The following EXD3 variants were observed in gnomAD, a reference collection of about 807,000 sequenced individuals.
EXD3 encodes the protein exonuclease mut-7 homolog.
EXD3 carries 92 observed loss-of-function variants against 98.0 expected under a neutral mutation model. That is an observed-to-expected ratio of 0.94 (90% CI 0.79 to 1.12). EXD3 has a LOEUF of 1.12. Among genes scored for constraint, EXD3 ranks in the 50% most tolerant of loss-of-function variants. The pLI is 0.00. For missense variants in EXD3, 1,222 were observed against 1,191.6 expected (o/e 1.03, Z -0.38); for synonymous variants, 569 against 526.0 (o/e 1.08, Z -1.12).
rs372690895 is a variant in EXD3, at chr9:137,403,694, A to T, written c.-47-8290T>A. Reference sequence around the variant, plus strand: ...CAGCAGGCCCGAGATCCAGGGTCTTAGGGCTCCTCCCAGCAGGGCAGACCC... The same window carrying T: ...CAGCAGGCCCGAGATCCAGGGTCTTTGGGCTCCTCCCAGCAGGGCAGACCC... On this transcript the variant is annotated intron_variant, in intron 1 of 21. Transcript: ENST00000340951. The surrounding 1 kb of genome is among the most constrained non-coding windows in gnomAD (Gnocchi z 6.1). 6.6e-5 allele frequency among the ~76,000 whole-genome samples: 10 copies of T among 152,190 alleles called. No individual in the cohort carries two copies. The highest frequency in any genetic ancestry group is 2.4e-4 in the African/African-American group (10 of 41,530).
In EXD3 at chr9:137,352,217, C is replaced by G; in HGVS notation, c.1038-16G>C. On this transcript the variant is annotated splice_polypyrimidine_tract_variant and intron_variant, in intron 11 of 21. Coordinates refer to ENST00000340951, the MANE Select transcript of EXD3 (RefSeq NM_017820.5). The stretch of plus-strand genomic sequence containing the variant: ...CTCAGTCGCCCTGGGAGGAGCAGAG[C>G]TGGTAGCGCCCCCATGTCCCTGGTC... 6.2e-7 allele frequency: 1 copy of G among 1,612,300 alleles called. No homozygotes were observed. The highest frequency in any genetic ancestry group is 1.7e-4 in the Middle Eastern group (1 of 6,056).
rs549789356 is a variant in EXD3 at position 137,387,071 on chromosome 9, C to A, written c.56-3694G>T. 6.2e-4 allele frequency among the ~76,000 whole-genome samples: 94 copies of A among 151,394 alleles called. 5 individuals carry two copies. The highest frequency in any genetic ancestry group is 1.9e-3 in the African/African-American group (80 of 41,188). ...CTCAGCACCCCTGCTCCGTGCTTGG[C>A]CCCCGGCCCTTGCTTCCTGCCTGGC... On this transcript the variant is annotated intron_variant, in intron 2 of 21. Coordinates refer to ENST00000340951, the MANE Select transcript of EXD3 (RefSeq NM_017820.5).
At chr9:137,372,855 A>G (rs1162193729) in intron 5 of EXD3, 50 bp downstream of exon 5, 1 of 1,580,580 alleles carries the variant, frequency 6.3e-7, no homozygotes, top group Non-Finnish European at 8.5e-7. Context: ...TCCTTGCCCC[A>G]CCGCCCGAGA....
intron 10 of EXD3, chr9:137,353,077 G>A (rs2119233389): frequency 1.6e-6 from 2 of 1,247,402 alleles, no homozygotes; most frequent in Admixed American, 4.2e-5. Flanking sequence ...CCTCAGTTCA[G>A]CCCCAGCTGG....
rs1420801931 is a variant in EXD3, at chr9:137,351,423, G to A, written c.1279C>T (p.Leu427Phe). 10 of 1,608,222 alleles carry A rather than the reference G, an allele frequency of 6.2e-6. No individual in the cohort carries two copies. Among genetic ancestry groups the A allele is most frequent in the Admixed American group, 3.4e-5 (2 of 59,128 alleles). ...TGCGAGAGTGCCAGGACGTCCAGAA[G>A]GAACACGTGGCCCTCCACGGCCACC... ...LQVAVEGHVF[L>F]LDVLALSQPP... The change falls in exon 13 of 22, where the codon CTT (leucine) becomes TTT (phenylalanine). Residue 427 changes from leucine (L) to phenylalanine (F), a missense_variant. Physicochemically the swap from Leu to Phe is conservative, Grantham distance 22 (BLOSUM62 0). Coordinates refer to ENST00000340951, the MANE Select transcript of EXD3 (RefSeq NM_017820.5).
intron 1 of EXD3, among the ~76,000 whole-genome samples, chr9:137,402,801 T>C (rs1474784738): frequency 6.6e-6 from 1 of 152,156 alleles, no homozygotes; most frequent in Non-Finnish European, 1.5e-5. Context: ...AAAACAAGTT[T>C]AATTGGACTC....
chr9:137,383,391 A>C lies in EXD3; in HGVS notation c.56-14T>G. On this transcript the variant is annotated splice_polypyrimidine_tract_variant and intron_variant, in intron 2 of 21. Transcript: ENST00000340951. Reference sequence around the variant, plus strand: ...GGGGGTCCCGGCCTGTGGAGATAAGATAACAGCCGTGGGAGGGAGAGGCAG... The same window carrying C: ...GGGGGTCCCGGCCTGTGGAGATAAGCTAACAGCCGTGGGAGGGAGAGGCAG... 6.5e-7 allele frequency: 1 copy of C among 1,536,288 alleles called. No individual in the cohort carries two copies. The highest frequency in any genetic ancestry group is 8.8e-7 in the Non-Finnish European group (1 of 1,136,948).
rs1043879745 is a variant in EXD3 at position 137,309,555 on chromosome 9, G to T, written c.2278+52C>A. On this transcript the variant is annotated intron_variant, in intron 20 of 21. Coordinates refer to ENST00000340951, the MANE Select transcript of EXD3 (RefSeq NM_017820.5). ...CCCCTCTCCCTGGCTACCTCAGTAG[G>T]TCGACCCATCCCAGGCCCCCCAGAC... is the stretch of plus-strand genomic sequence containing the variant. 2.7e-6 allele frequency: 4 copies of T among 1,460,652 alleles called. No homozygotes were observed. In the African/African-American group the frequency reaches 5.6e-5, roughly 20 times the overall value. 90.5% of individuals were successfully genotyped at this position (1,460,652 alleles called of 1,614,324 possible).
In EXD3 at chr9:137,375,095, G is replaced by A. The variant is rs574874649; in HGVS notation, c.121-1496C>T. Among the ~76,000 whole-genome samples the A allele has an allele frequency of 3.9e-5, 6 of 152,048 alleles. No homozygotes were observed. The South Asian group carries it at 6.3e-4, about 16-fold the overall frequency. ...GCGATCTCGACTCACTGCAAGCTCCGCCTCCCGGGTTCACGCCATTCTCCT... is the reference window on the plus strand; with the variant it reads ...GCGATCTCGACTCACTGCAAGCTCCACCTCCCGGGTTCACGCCATTCTCCT... On this transcript the variant is annotated intron_variant, in intron 3 of 21. Transcript: ENST00000340951.
intron 9 of EXD3, 45 bp downstream of exon 9, chr9:137,354,655 C>T (rs1338210231): frequency 1.2e-6 from 2 of 1,605,868 alleles, no homozygotes; most frequent in East Asian, 4.5e-5. Flanking sequence ...CTCTGTGGCT[C>T]AGGCCGCGGC....
chr9:137,403,563 T>C lies in EXD3; in HGVS notation c.-47-8159A>G, dbSNP rs1292125681. On this transcript the variant is annotated intron_variant, in intron 1 of 21. Coordinates refer to ENST00000340951, the MANE Select transcript of EXD3 (RefSeq NM_017820.5). This position sits in a 1 kb window ranked among gnomAD's most constrained non-coding sequence, Gnocchi z 6.1. ...CGTACCCAGGAAACCTGGGCCTCCATTCCCGAGCCCCCCAGTTTTCGCCTC... is the reference window on the plus strand; with the variant it reads ...CGTACCCAGGAAACCTGGGCCTCCACTCCCGAGCCCCCCAGTTTTCGCCTC... Among the ~76,000 whole-genome samples the C allele has an allele frequency of 6.8e-6, 1 of 147,030 alleles. No homozygotes were observed. The highest frequency in any genetic ancestry group is 1.5e-5 in the Non-Finnish European group (1 of 66,538).
intron 10 of EXD3, chr9:137,353,855 C>T (rs1348256054): frequency 2.0e-6 from 2 of 987,156 alleles, no homozygotes; most frequent in African/African-American, 3.5e-5. Flanking sequence ...GCTTCAGGCC[C>T]AGCAGCCTGA....
At chr9:137,314,583 C>T (rs1831537969) in intron 19 of EXD3, among the ~76,000 whole-genome samples, 1 of 152,112 alleles carries the variant, frequency 6.6e-6, no homozygotes, top group Non-Finnish European at 1.5e-5. Context: ...CCTGGAGAGG[C>T]CTCGCCCCTG....
intron 20 of EXD3, among the ~76,000 whole-genome samples, chr9:137,309,128 C>T (rs1831223828): frequency 6.6e-6 from 1 of 152,208 alleles, no homozygotes; most frequent in Non-Finnish European, 1.5e-5. Flanking sequence ...AGATCTAAAA[C>T]TGCAAAGTCC....
chr9:137,414,767 A>G (rs953563274), intron 1 of EXD3, among the ~76,000 whole-genome samples: 9 of 152,176 alleles, frequency 5.9e-5, no homozygotes, highest in Non-Finnish European at 1.2e-4. Flanking sequence ...AGCAGGTGTG[A>G]CAGGTGTGGG....
intron 17 of EXD3, among the ~76,000 whole-genome samples, chr9:137,327,966 GT>G (rs1832550407): frequency 1.5e-5 from 2 of 131,304 alleles, no homozygotes; most frequent in African/African-American, 5.9e-5. Flanking sequence ...TATATGATGA[GT>G]AAAAACAACT....
intron 17 of EXD3, among the ~76,000 whole-genome samples, chr9:137,342,700 T>C (rs1342388702): frequency 6.6e-6 from 1 of 152,206 alleles, no homozygotes; most frequent in Non-Finnish European, 1.5e-5. Flanking sequence ...GGGAACTGTT[T>C]CCCAGCCGAG....
chr9:137,412,966 A>G (rs927868037), intron 1 of EXD3, among the ~76,000 whole-genome samples: 7 of 151,822 alleles, frequency 4.6e-5, no homozygotes, highest in Non-Finnish European at 8.8e-5. Context: ...TATTTTTTGT[A>G]GAGATGGGGT....
Position 137,334,737 on chromosome 9 carries a change from T to C in EXD3, c.1999-10594A>G, listed in dbSNP as rs140260371. ...AAAACAAAAATAAATAAATGTGACCTAATTCAACTAAAAAGCTTCTGCACA... is the reference window on the plus strand; with the variant it reads ...AAAACAAAAATAAATAAATGTGACCCAATTCAACTAAAAAGCTTCTGCACA... On this transcript the variant is annotated intron_variant, in intron 17 of 21. Coordinates refer to ENST00000340951, the MANE Select transcript of EXD3 (RefSeq NM_017820.5). Among the ~76,000 whole-genome samples the C allele has an allele frequency of 6.7e-4, 102 of 152,256 alleles. 1 individual carries two copies. In the East Asian group the frequency reaches 0.019, roughly 28 times the overall value.
Sources: allele counts gnomAD v4.1 joint callset (sites outside exome capture counted in the v4.1 genomes callset), GRCh38; gene constraint gnomAD v4.1.1; non-coding constraint Gnocchi (gnomAD v3.1); transcripts MANE v1.5; gene names NCBI Gene and HGNC (gene_info 2026-07-23, HGNC 2026-07-21).